The following EFCAB14 variants were observed in gnomAD, a reference collection of about 807,000 sequenced individuals.
EFCAB14 encodes EF-hand calcium-binding domain-containing protein 14.
In EFCAB14, 43 loss-of-function variants were observed where a neutral mutation model predicts 56.5. The ratio of observed to expected loss-of-function variants is 0.76; its 90% CI spans 0.60 to 0.98. EFCAB14 has a LOEUF of 0.98. Among genes scored for constraint, EFCAB14 ranks in the 50% least tolerant of loss-of-function variants. EFCAB14 has a pLI of 0.00. For synonymous variants in EFCAB14, 235 were observed against 212.9 expected, an observed-to-expected ratio of 1.10 and a Z score of -0.90; for missense variants, 538 against 580.3, an observed-to-expected ratio of 0.93 and a Z score of 0.75.
intron 7 of EFCAB14, among the ~76,000 whole-genome samples, chr1:46,687,659 T>A (rs948909878): frequency 6.6e-6 from 1 of 152,232 alleles, no homozygotes; most frequent in African/African-American, 2.4e-5. Flanking sequence ...GGGTGGGGGC[T>A]GCAGTTATTA....
At chr1:46,694,632 ACT>A (rs1677051302) in intron 4 of EFCAB14, among the ~76,000 whole-genome samples, 2 of 152,216 alleles carry the variant, frequency 1.3e-5, no homozygotes, top group Non-Finnish European at 2.9e-5. Flanking sequence ...TGTTGGTGGG[ACT>A]GTAAACTAGT....
chr1:46,681,303 ATAG>A (rs1459720660), intron 10 of EFCAB14, among the ~76,000 whole-genome samples: 3 of 152,212 alleles, frequency 2.0e-5, no homozygotes, highest in African/African-American at 7.2e-5. Context: ...CCATAATCAA[ATAG>A]AAGATTTAAT....
chr1:46,708,945 C>CT (rs539417579), intron 2 of EFCAB14, among the ~76,000 whole-genome samples: 2,142 of 145,982 alleles, frequency 0.015, 15 homozygotes, highest in Admixed American at 0.04. Context: ...AACCTACATC[C>CT]TTTTTTTTTT....
At chr1:46,687,773 AGT>A (rs1322636086) in intron 7 of EFCAB14, among the ~76,000 whole-genome samples, 1 of 152,236 alleles carries the variant, frequency 6.6e-6, no homozygotes, top group Admixed American at 6.5e-5. Flanking sequence ...GGCCAGCATC[AGT>A]GACTTAGTAG....
chr1:46,691,781 C>T, intron 5 of EFCAB14, 46 bp downstream of exon 5: 2 of 1,476,648 alleles, frequency 1.4e-6, no homozygotes, highest in Non-Finnish European at 1.9e-6. Flanking sequence ...GACTCTTACA[C>T]AAAAAAGGGT....
Position 46,707,775 on chromosome 1 carries a change from C to T in EFCAB14, c.480+131G>A, listed in dbSNP as rs186616336. On this transcript the variant is annotated intron_variant, in intron 3 of 10. Transcript: ENST00000371933. ...TTTAACATGCTGGGATTACAGTATG[C>T]AAAACCCCATTTCAAAAAGTAAAAC... The T allele has an allele frequency of 8.7e-4, 741 of 854,386 alleles. 4 individuals carry two copies. The African/African-American group carries it at 0.012, about 14-fold the overall frequency. The allele number at this position is 854,386 out of a possible 1,614,324, so 52.9% of individuals were successfully genotyped here.
rs779522082 is a variant in EFCAB14 at position 46,716,375 on chromosome 1, A to G, written c.254T>C (p.Val85Ala). Residue 85 changes from valine (V) to alanine (A), a missense_variant, in exon 2 of 11, where the codon GTT becomes GCT. Physicochemically the swap from Val to Ala is moderately conservative, Grantham distance 64. Transcript: ENST00000371933. ...LCGFVILAAC[V>A]VACVGLVWMQ... Reference sequence around the variant, plus strand: ...CCACACCAAGCCAACACAGGCCACAACACAGGCAGCAAGGATGACAAAACC... The same window carrying G: ...CCACACCAAGCCAACACAGGCCACAGCACAGGCAGCAAGGATGACAAAACC... 1 of 1,614,068 alleles carries G rather than the reference A, an allele frequency of 6.2e-7. No homozygotes were observed. The highest frequency in any genetic ancestry group is 1.7e-5 in the Admixed American group (1 of 60,010).
At chr1:46,684,316 T>C (rs1401157132) in intron 9 of EFCAB14, 175 bp downstream of exon 9, 5 of 584,458 alleles carry the variant, frequency 8.6e-6, no homozygotes, top group Non-Finnish European at 1.2e-5. Flanking sequence ...GTACAAATCA[T>C]GTACAAAATG....
intron 10 of EFCAB14, among the ~76,000 whole-genome samples, chr1:46,682,649 A>AGT (rs2148837914): frequency 6.6e-6 from 1 of 152,346 alleles, no homozygotes; most frequent in African/African-American, 2.4e-5. Flanking sequence ...CTTATTGCTT[A>AGT]GCACTAGGTT....
chr1:46,686,658 T>C (rs138625122), intron 8 of EFCAB14, 126 bp downstream of exon 8: 5 of 906,312 alleles, frequency 5.5e-6, no homozygotes, highest in African/African-American at 1.7e-5. Context: ...ATTTACTAAT[T>C]GCTTTGTTTT....
intron 4 of EFCAB14, among the ~76,000 whole-genome samples, chr1:46,693,885 A>G (rs1296825222): frequency 6.6e-6 from 1 of 152,212 alleles, no homozygotes; most frequent in African/African-American, 2.4e-5. Context: ...ACAGAGATAT[A>G]GACCAATGGA....
At chr1:46,684,665 TG>T in intron 8 of EFCAB14, 63 bp from the exon 9 acceptor site, 4 of 1,342,400 alleles carry the variant, frequency 3.0e-6, no homozygotes, top group Non-Finnish European at 4.3e-6. Context: ...AAGTGTCCAC[TG>T]TATTCCCAGA....
chr1:46,716,725 G>A (rs565645583), intron 1 of EFCAB14, among the ~76,000 whole-genome samples: 42 of 152,302 alleles, frequency 2.8e-4, no homozygotes, highest in African/African-American at 1.0e-3. Flanking sequence ...CAGGAGGGAG[G>A]TCTTTGAATA....
At chr1:46,708,460 T>G (rs1018619323) in intron 2 of EFCAB14, among the ~76,000 whole-genome samples, 1 of 152,212 alleles carries the variant, frequency 6.6e-6, no homozygotes, top group Non-Finnish European at 1.5e-5. Context: ...TTAAGACAGC[T>G]GGTCATAGAT....
chr1:46,701,613 C>G (rs1356396027), intron 3 of EFCAB14, among the ~76,000 whole-genome samples: 1 of 152,212 alleles, frequency 6.6e-6, no homozygotes, highest in Non-Finnish European at 1.5e-5. Context: ...TGGTTGGCAG[C>G]TGCCGTTTCA....
At chr1:46,696,815 T>C (rs1015227899) in intron 3 of EFCAB14, among the ~76,000 whole-genome samples, 166 bp from the exon 4 acceptor site, 2 of 151,938 alleles carry the variant, frequency 1.3e-5, no homozygotes, top group African/African-American at 4.8e-5. Flanking sequence ...TTGGATAGAG[T>C]TGGGATCTGG....
At chr1:46,714,213 GAA>G (rs1337131673) in intron 2 of EFCAB14, among the ~76,000 whole-genome samples, 1 of 152,174 alleles carries the variant, frequency 6.6e-6, no homozygotes. Flanking sequence ...CTTCAGATGG[GAA>G]AGTGAGGATA....
rs534541382 is a variant in EFCAB14, at chr1:46,718,023, G to A, written c.65C>T (p.Pro22Leu). The change falls in exon 1 of 11, where the codon CCC becomes CTC. Residue 22 changes from proline to leucine, a missense_variant. Pro to Leu is a moderately conservative substitution (Grantham distance 98). Transcript: ENST00000371933. ...GCGGTGACTGCTTGGGCCTTTCTTG[G>A]GCTTCTTTCTCCGGCTGTCCCCAGC... is the stretch of plus-strand genomic sequence containing the variant. ...GLAGDSRRKK[P>L]KKGPSSHRLL... is the part of the protein sequence containing the mutation. 3 of 1,614,158 alleles carry A rather than the reference G, an allele frequency of 1.9e-6. No individual in the cohort carries two copies. The highest frequency in any genetic ancestry group is 1.3e-5 in the African/African-American group (1 of 75,042).
chr1:46,685,248 G>A (rs2148839332), intron 8 of EFCAB14: 1 of 152,266 alleles, frequency 6.6e-6, no homozygotes, highest in African/African-American at 2.4e-5. Context: ...CTCATTCCCA[G>A]GAGTATCAAG....
Sources: gnomAD v4.1 joint callset for allele counts (sites outside exome capture counted in the v4.1 genomes callset) on GRCh38, gnomAD v4.1.1 for gene constraint, MANE v1.5 for transcripts, NCBI Gene and HGNC (gene_info 2026-07-23, HGNC 2026-07-21) for gene names.